KAZN: variants seen among roughly 807,000 people sequenced by gnomAD.
KAZN encodes the protein kazrin.
A neutral mutation model predicts 87.4 loss-of-function variants in KAZN; 40 were observed. The observed-to-expected ratio is 0.46, with a 90% confidence interval of 0.36 to 0.60. The LOEUF is 0.60. Among genes scored for constraint, KAZN ranks in the 20% least tolerant of loss-of-function variants. KAZN has a pLI of 0.00. For synonymous variants in KAZN, 466 were observed against 458.3 expected (o/e 1.02, Z -0.22); for missense variants, 898 against 1,073.9 (o/e 0.84, Z 2.29).
At chr1:14,317,938 C>CG (rs1165443462) in intron 2 of KAZN, among the ~76,000 whole-genome samples, 10 of 152,074 alleles carry the variant, frequency 6.6e-5, no homozygotes, top group Non-Finnish European at 1.5e-4. Flanking sequence ...TCTGGGTTAT[C>CG]ACAGCCTAAC....
chr1:14,045,390 C>T (rs950911745), intron 1 of KAZN, among the ~76,000 whole-genome samples: 2 of 152,214 alleles, frequency 1.3e-5, no homozygotes, highest in Admixed American at 6.5e-5. Context: ...GGACTCTGAA[C>T]TCAATTGACT....
At chr1:14,161,358 A>G (rs1238428533) in intron 1 of KAZN, among the ~76,000 whole-genome samples, 3 of 152,218 alleles carry the variant, frequency 2.0e-5, no homozygotes, top group African/African-American at 7.2e-5. Flanking sequence ...TGCCTGGCTT[A>G]ACTGGAATCA....
chr1:13,894,361 C>A (rs1191405786), intron 1 of KAZN, among the ~76,000 whole-genome samples: 1 of 151,328 alleles, frequency 6.6e-6, no homozygotes, highest in Non-Finnish European at 1.5e-5. Context: ...GGCCTTATAA[C>A]CCATGCTAGC....
intron 2 of KAZN, among the ~76,000 whole-genome samples, chr1:14,244,809 G>A (rs186801330): frequency 6.6e-6 from 1 of 152,092 alleles, no homozygotes; most frequent in African/African-American, 2.4e-5. Context: ...TGGGTAGGGG[G>A]TGTTGACAGA....
chr1:14,978,127 G>A (rs1027523725), intron 2 of KAZN, among the ~76,000 whole-genome samples: 3 of 152,108 alleles, frequency 2.0e-5, no homozygotes, highest in South Asian at 2.1e-4. Flanking sequence ...CCTTCCTCAC[G>A]TCCTCCCATT....
Position 14,333,337 on chromosome 1 carries a change from C to T in KAZN, c.249+152745C>T, listed in dbSNP as rs147987005. 5.1e-3 allele frequency among the ~76,000 whole-genome samples: 775 copies of T among 152,262 alleles called. 4 individuals carry two copies. Among genetic ancestry groups the T allele is most frequent in the African/African-American group, 0.017 (711 of 41,534 alleles). On this transcript the variant is annotated intron_variant, in intron 2 of 16. Transcript: ENST00000636203. ...GTCTTTGCTATTGTGAATAGTGCTG[C>T]AGTGAACATGCATATACATGTATCT...
At chr1:14,211,092 A>G (rs1407214419) in intron 2 of KAZN, among the ~76,000 whole-genome samples, 1 of 152,200 alleles carries the variant, frequency 6.6e-6, no homozygotes, top group Non-Finnish European at 1.5e-5. Flanking sequence ...CCCCTGTTTT[A>G]TGGTGTTCTA....
chr1:14,503,441 G>A (rs531652118), intron 2 of KAZN, among the ~76,000 whole-genome samples: 7 of 150,736 alleles, frequency 4.6e-5, no homozygotes, highest in South Asian at 2.1e-4. Context: ...CCGACATCAC[G>A]CCACTGCTCT....
At chr1:14,942,028 G>C (rs1326875584) in intron 1 of KAZN, among the ~76,000 whole-genome samples, 3 of 152,146 alleles carry the variant, frequency 2.0e-5, no homozygotes, top group African/African-American at 7.2e-5. Context: ...CACTATACAG[G>C]GCTTGTTCGT....
At chr1:14,689,888 A>T (rs1209534251) in intron 1 of KAZN, among the ~76,000 whole-genome samples, 3 of 152,236 alleles carry the variant, frequency 2.0e-5, no homozygotes, top group Non-Finnish European at 4.4e-5. Flanking sequence ...CACCTGTGTC[A>T]CTGAGCAAAA....
chr1:14,062,561 A>G (rs1485062907), intron 1 of KAZN, among the ~76,000 whole-genome samples: 1 of 152,132 alleles, frequency 6.6e-6, no homozygotes, highest in Non-Finnish European at 1.5e-5. Flanking sequence ...TAAATTGTAA[A>G]CACAGCCATT....
rs145423896 is a variant in KAZN at position 14,191,772 on chromosome 1, A to G, written c.249+11180A>G. Among the ~76,000 whole-genome samples, 778 of 152,306 alleles carry G rather than the reference A, an allele frequency of 5.1e-3. 5 individuals carry two copies. The highest frequency in any genetic ancestry group is 0.01 in the Middle Eastern group (3 of 294). ...TACATAGCCAGAAATAACAGTAGCC[A>G]GGAGAAACCATCCATAAGACTGTTA... On this transcript the variant is annotated intron_variant, in intron 2 of 16. Coordinates refer to the KAZN transcript ENST00000636203.
chr1:15,054,513 A>T (rs1674731412), intron 4 of KAZN, among the ~76,000 whole-genome samples: 1 of 152,088 alleles, frequency 6.6e-6, no homozygotes, highest in Non-Finnish European at 1.5e-5. Context: ...TTAGCTGGGC[A>T]TGGTGGCAGG....
chr1:14,907,700 A>T (rs1656766060), intron 1 of KAZN, among the ~76,000 whole-genome samples: 1 of 152,166 alleles, frequency 6.6e-6, no homozygotes, highest in South Asian at 2.1e-4. Context: ...TTTCATGAAG[A>T]TGGAAAGGAG....
At chr1:13,944,637 C>T (rs941242091) in intron 1 of KAZN, among the ~76,000 whole-genome samples, 1 of 151,982 alleles carries the variant, frequency 6.6e-6, no homozygotes, top group African/African-American at 2.4e-5. Context: ...TGAATGGCCG[C>T]AAAGCAGTAA....
At chr1:14,911,705 C>G (rs1657269657) in intron 1 of KAZN, among the ~76,000 whole-genome samples, 1 of 152,156 alleles carries the variant, frequency 6.6e-6, no homozygotes, top group Non-Finnish European at 1.5e-5. Context: ...AGTGGGCAAG[C>G]CTGTACCTGA....
chr1:15,064,875 C>T (rs1285845627), intron 7 of KAZN, among the ~76,000 whole-genome samples: 1 of 152,208 alleles, frequency 6.6e-6, no homozygotes, highest in African/African-American at 2.4e-5. Flanking sequence ...TGGCCGAGTG[C>T]ATGGACATCC....
At chr1:14,838,848 C>G (rs936912579) in intron 1 of KAZN, among the ~76,000 whole-genome samples, 6 of 152,182 alleles carry the variant, frequency 3.9e-5, no homozygotes, top group Non-Finnish European at 8.8e-5. Flanking sequence ...TCTTGAACTC[C>G]TGACCTCAAA....
intron 2 of KAZN, among the ~76,000 whole-genome samples, chr1:14,534,096 C>G (rs1164836635): frequency 6.6e-6 from 1 of 152,128 alleles, no homozygotes; most frequent in Non-Finnish European, 1.5e-5. Flanking sequence ...AAAGATGAGA[C>G]CAAGGACGGA....
Sources: allele counts gnomAD v4.1 joint callset (sites outside exome capture counted in the v4.1 genomes callset), GRCh38; gene constraint gnomAD v4.1.1; transcripts MANE v1.5; gene names NCBI Gene and HGNC (gene_info 2026-07-23, HGNC 2026-07-21).